BBX: variants seen among roughly 807,000 people sequenced by gnomAD.
The protein encoded by BBX is HMG box transcription factor BBX.
A neutral mutation model predicts 100.2 loss-of-function variants in BBX; 30 were observed. The ratio of observed to expected loss-of-function variants is 0.30; its 90% CI spans 0.22 to 0.41. The LOEUF (loss-of-function observed/expected upper bound fraction) is 0.41. Among genes scored for constraint, BBX ranks in the 10% least tolerant of loss-of-function variants. The pLI, the probability that BBX is intolerant of heterozygous loss-of-function variation, is 1.00. For missense variants in BBX, 1,023 were observed against 1,129.8 expected (o/e 0.91, Z 1.35); for synonymous variants, 376 against 388.1 (o/e 0.97, Z 0.37).
Position 107,807,282 on chromosome 3 carries a change from A to T in BBX, c.*1825A>T, listed in dbSNP as rs1016456489. On this transcript the variant is annotated 3_prime_UTR_variant, in exon 18 of 18. Transcript: ENST00000325805. ...TGCATATTCCTGGTGGGGATGGAGG[A>T]AGAAGGCATTAGTAAAAGGTTAATC... 4 of 152,162 alleles carry T rather than the reference A, an allele frequency of 2.6e-5. No individual in the cohort carries two copies. Among genetic ancestry groups the T allele is most frequent in the Non-Finnish European group, 5.9e-5 (4 of 68,020 alleles). The allele number at this position is 152,162 out of a possible 1,614,324, so 9.4% of individuals were successfully genotyped here. A position where few individuals can be genotyped will look rare whatever the true frequency, so the allele number is the denominator to read the frequency against.
intron 2 of BBX, among the ~76,000 whole-genome samples, chr3:107,603,410 G>A (rs996526769): frequency 2.6e-5 from 4 of 151,926 alleles, no homozygotes; most frequent in Non-Finnish European, 4.4e-5. Context: ...ACGGAGTCTC[G>A]CTCTGTCGCC....
chr3:107,540,795 G>T (rs369802984), intron 2 of BBX, among the ~76,000 whole-genome samples: 1 of 151,980 alleles, frequency 6.6e-6, no homozygotes, highest in Non-Finnish European at 1.5e-5. Flanking sequence ...ATATGTCCTG[G>T]ATCACCCCAA....
At chr3:107,582,230 G>A (rs2052335679) in intron 2 of BBX, among the ~76,000 whole-genome samples, 1 of 144,022 alleles carries the variant, frequency 6.9e-6, no homozygotes, top group African/African-American at 2.8e-5. Context: ...GAAAATATTT[G>A]GAAAAATTTC....
chr3:107,624,929 A>C (rs575840650), intron 2 of BBX, among the ~76,000 whole-genome samples: 62 of 152,364 alleles, frequency 4.1e-4, no homozygotes, highest in African/African-American at 1.5e-3. Flanking sequence ...TTTGCTCCTG[A>C]ATTTAGGCAA....
intron 2 of BBX, among the ~76,000 whole-genome samples, chr3:107,535,425 G>A (rs1344271167): frequency 6.6e-6 from 1 of 151,820 alleles, no homozygotes. Flanking sequence ...TATAATTGAT[G>A]TTTAGTCAGC....
At chr3:107,798,793 G>T in intron 16 of BBX, 73 bp downstream of exon 16, 2 of 1,272,870 alleles carry the variant, frequency 1.6e-6, no homozygotes, top group Non-Finnish European at 1.1e-6. Context: ...AAGAAGAATT[G>T]TCTTGAGCCA....
intron 2 of BBX, among the ~76,000 whole-genome samples, chr3:107,629,722 C>G (rs1322571247): frequency 6.6e-6 from 1 of 152,082 alleles, no homozygotes; most frequent in African/African-American, 2.4e-5. Flanking sequence ...AGAATGCATT[C>G]TTAATATAGT....
intron 17 of BBX, among the ~76,000 whole-genome samples, chr3:107,803,044 A>G (rs9831722): frequency 0.11 from 16,149 of 152,274 alleles, 1,075 homozygotes; most frequent in Middle Eastern, 0.16. Flanking sequence ...AAAGCAAAAC[A>G]GTGGTTTTAT....
At chr3:107,704,150 A>G (rs1414015125) in intron 3 of BBX, among the ~76,000 whole-genome samples, 2 of 152,142 alleles carry the variant, frequency 1.3e-5, no homozygotes, top group Non-Finnish European at 2.9e-5. Context: ...ACTGCATCAG[A>G]GTGTTTTTGT....
chr3:107,631,473 T>C (rs918777435), intron 2 of BBX, among the ~76,000 whole-genome samples: 3 of 152,164 alleles, frequency 2.0e-5, no homozygotes, highest in African/African-American at 7.2e-5. Flanking sequence ...CATTTTTGTG[T>C]TTGATACATA....
intron 3 of BBX, among the ~76,000 whole-genome samples, chr3:107,670,230 C>T (rs2058951620): frequency 2.0e-5 from 3 of 152,108 alleles, no homozygotes; most frequent in South Asian, 2.1e-4. Flanking sequence ...TAAGAGAATA[C>T]ATTTTCTACC....
intron 2 of BBX, among the ~76,000 whole-genome samples, chr3:107,540,367 C>G (rs1486709962): frequency 6.6e-6 from 1 of 152,106 alleles, no homozygotes; most frequent in Non-Finnish European, 1.5e-5. Flanking sequence ...TGGATCTTAT[C>G]TTTGTTTCCC....
chr3:107,744,901 C>T (rs1262599872), intron 8 of BBX, among the ~76,000 whole-genome samples, 191 bp downstream of exon 8: 5 of 152,110 alleles, frequency 3.3e-5, no homozygotes, highest in East Asian at 1.9e-4. Flanking sequence ...TACATTTATG[C>T]GTTTATAGAA....
intron 4 of BBX, among the ~76,000 whole-genome samples, chr3:107,710,888 A>T (rs1395474004): frequency 1.3e-5 from 2 of 152,190 alleles, no homozygotes; most frequent in Non-Finnish European, 2.9e-5. Flanking sequence ...GTTCAAATAC[A>T]TTGAGATGGG....
chr3:107,610,773 A>T (rs1387463222), intron 2 of BBX, among the ~76,000 whole-genome samples: 1 of 149,752 alleles, frequency 6.7e-6, no homozygotes, highest in African/African-American at 2.4e-5. Context: ...TCTTATAGGC[A>T]ACAGATCATT....
At chr3:107,597,899 GA>G (rs2053774381) in intron 2 of BBX, among the ~76,000 whole-genome samples, 1 of 152,086 alleles carries the variant, frequency 6.6e-6, no homozygotes, top group South Asian at 2.1e-4. Context: ...GCCCCAGAGT[GA>G]GAAACTGATG....
At chr3:107,750,594 C>T (rs1037246278) in intron 9 of BBX, among the ~76,000 whole-genome samples, 1 of 152,156 alleles carries the variant, frequency 6.6e-6, no homozygotes, top group South Asian at 2.1e-4. Flanking sequence ...TACATAACCT[C>T]TCTCGTCACT....
chr3:107,707,135 T>G (rs1239103013), intron 3 of BBX, among the ~76,000 whole-genome samples: 1 of 152,204 alleles, frequency 6.6e-6, no homozygotes, highest in East Asian at 1.9e-4. Context: ...CCAATTCACT[T>G]ACTGTTTTAT....
intron 3 of BBX, among the ~76,000 whole-genome samples, chr3:107,656,801 TAA>T (rs1417740325): frequency 6.6e-6 from 1 of 152,162 alleles, no homozygotes. Flanking sequence ...TGTGGTAATA[TAA>T]GGCAATGTCT....
Sources: gnomAD v4.1 joint callset for allele counts (sites outside exome capture counted in the v4.1 genomes callset) on GRCh38, gnomAD v4.1.1 for gene constraint, MANE v1.5 for transcripts, NCBI Gene and HGNC (gene_info 2026-07-23, HGNC 2026-07-21) for gene names.